SNRPN: variants seen among roughly 807,000 people sequenced by gnomAD.
SNRPN encodes the protein small nuclear ribonucleoprotein polypeptide N, also known as small nuclear ribonucleoprotein-associated protein N.
In SNRPN, 7 loss-of-function variants were observed where a neutral mutation model predicts 25.2. The ratio of observed to expected loss-of-function variants is 0.28; its 90% confidence interval spans 0.16 to 0.52. The LOEUF is 0.52. Ranked by LOEUF, SNRPN falls within the 20% of genes least tolerant of loss-of-function variation. The pLI is 0.96. For missense variants in SNRPN, 196 were observed against 322.5 expected, an observed-to-expected ratio of 0.61 and a Z score of 3.00; for synonymous variants, 124 against 110.6, an observed-to-expected ratio of 1.12 and a Z score of -0.76.
intron 2 of SNRPN, among the ~76,000 whole-genome samples, chr15:24,910,255 ACT>A (rs2059126210): frequency 6.6e-6 from 1 of 152,160 alleles, no homozygotes; most frequent in Non-Finnish European, 1.5e-5. Context: ...TTTTCAGGGT[ACT>A]GCATAGCTTC....
At chr15:24,959,771 G>A (rs1289056233) in intron 1 of SNRPN, among the ~76,000 whole-genome samples, 1 of 152,082 alleles carries the variant, frequency 6.6e-6, no homozygotes. Flanking sequence ...TTCTTCATTC[G>A]TAAGTTGATG....
intron 2 of SNRPN, among the ~76,000 whole-genome samples, chr15:24,906,861 C>T (rs557698002): frequency 6.6e-5 from 10 of 152,082 alleles, no homozygotes; most frequent in East Asian, 1.9e-4. Context: ...TCTTTTCTGA[C>T]GCAGGTAGTT....
At chr15:24,848,997 C>G (rs1252474352) in intron 2 of SNRPN, 1 of 152,158 alleles carries the variant, frequency 6.6e-6, no homozygotes, top group Non-Finnish European at 1.5e-5. Flanking sequence ...ACCCCCGACT[C>G]CCTGGTTCAG....
Position 24,978,580 on chromosome 15 carries a change from G to A in SNRPN, c.*136G>A. The A allele has an allele frequency of 1.2e-6, 1 of 820,574 alleles. No homozygotes were observed. The highest frequency in any genetic ancestry group is 2.1e-6 in the Non-Finnish European group (1 of 487,010). The allele number at this position is 820,574 out of a possible 1,614,324, so 50.8% of individuals were successfully genotyped here. On this transcript the variant is annotated 3_prime_UTR_variant, in exon 10 of 10. Coordinates refer to ENST00000390687, the MANE Select transcript of SNRPN (RefSeq NM_003097.6). ...AATAAATGCATAGAGCAATTAAACT[G>A]TGAGGTACTGTTGTATATATTTTTT... is the stretch of plus-strand genomic sequence containing the variant.
intron 1 of SNRPN, among the ~76,000 whole-genome samples, chr15:24,857,643 T>C (rs2053533798): frequency 6.6e-6 from 1 of 152,114 alleles, no homozygotes; most frequent in South Asian, 2.1e-4. Flanking sequence ...TCTGGGTCGA[T>C]GTCTATTGTT....
At chr15:24,969,310 G>A (rs1443243956) in intron 3 of SNRPN, among the ~76,000 whole-genome samples, 3 of 151,988 alleles carry the variant, frequency 2.0e-5, no homozygotes, top group Admixed American at 6.6e-5. Flanking sequence ...TGTATTTTTG[G>A]TAGAGACGGG....
At chr15:24,921,711 A>G (rs2060029744) in intron 3 of SNRPN, among the ~76,000 whole-genome samples, 1 of 152,202 alleles carries the variant, frequency 6.6e-6, no homozygotes, top group African/African-American at 2.4e-5. Flanking sequence ...GAAAGGGAAG[A>G]GAGCACAGTC....
chr15:24,847,667 G>A (rs910994987), intron 2 of SNRPN, among the ~76,000 whole-genome samples: 1 of 152,140 alleles, frequency 6.6e-6, no homozygotes, highest in Admixed American at 6.6e-5. Flanking sequence ...TGCTGCAGGG[G>A]TCAGTGGTGA....
chr15:24,877,669 C>A (rs1350232375), intron 1 of SNRPN, among the ~76,000 whole-genome samples: 1 of 92,614 alleles, frequency 1.1e-5, no homozygotes, highest in Non-Finnish European at 2.3e-5. Context: ...AAAACACACA[C>A]ACACACACAC....
At chr15:24,862,233 C>A (rs1027055970) in intron 1 of SNRPN, among the ~76,000 whole-genome samples, 1 of 151,044 alleles carries the variant, frequency 6.6e-6, no homozygotes, top group Non-Finnish European at 1.5e-5. Context: ...TTAATGTAAG[C>A]GAATTTTAGA....
chr15:24,903,981 C>A (rs2151684322), intron 2 of SNRPN, among the ~76,000 whole-genome samples: 1 of 149,628 alleles, frequency 6.7e-6, no homozygotes, highest in Non-Finnish European at 1.5e-5. Context: ...TTGCAGTGAG[C>A]AGAGCTGAGG....
At chr15:24,880,950 T>A (rs535988213) in intron 1 of SNRPN, among the ~76,000 whole-genome samples, 108 of 150,970 alleles carry the variant, frequency 7.2e-4, no homozygotes, top group Non-Finnish European at 1.1e-3. Flanking sequence ...GTGCTGTGAT[T>A]ACAGGCATAA....
At chr15:24,878,853 G>C (rs1464383888) in intron 1 of SNRPN, among the ~76,000 whole-genome samples, 1 of 151,760 alleles carries the variant, frequency 6.6e-6, no homozygotes. Flanking sequence ...TTGTCCTTAA[G>C]ATTCTTTATA....
At chr15:24,873,804 C>T (rs1462237483) in intron 1 of SNRPN, among the ~76,000 whole-genome samples, 1 of 152,020 alleles carries the variant, frequency 6.6e-6, no homozygotes, top group Non-Finnish European at 1.5e-5. Context: ...TCATTCCTAC[C>T]TTCAATGAGG....
chr15:24,908,136 A>G (rs1318781364), intron 2 of SNRPN, among the ~76,000 whole-genome samples: 1 of 151,568 alleles, frequency 6.6e-6, no homozygotes, highest in Non-Finnish European at 1.5e-5. Context: ...TATGCCAGTG[A>G]CTTGATGGCG....
chr15:24,909,442 G>A lies in SNRPN; in HGVS notation c.-504-10569G>A, dbSNP rs962146130. 1.7e-5 allele frequency: 27 copies of A among 1,588,904 alleles called. No individual in the cohort carries two copies. The Admixed American group carries it at 2.5e-4, about 15-fold the overall frequency. On this transcript the variant is annotated intron_variant, in intron 2 of 11. Transcript: ENST00000400097. The stretch of plus-strand genomic sequence containing the variant: ...CAATGCTTTCCACAATGTATTCATC[G>A]CCAGTCACCTCCACTTGGCCTTCAT...
chr15:24,826,391 G>A (rs1437741142), intron 1 of SNRPN, among the ~76,000 whole-genome samples: 1 of 152,110 alleles, frequency 6.6e-6, no homozygotes, highest in African/African-American at 2.4e-5. Context: ...TAGTGGGCTT[G>A]CATGGCTGCC....
intron 2 of SNRPN, among the ~76,000 whole-genome samples, chr15:24,964,621 C>G (rs1342891626): frequency 6.6e-6 from 1 of 152,062 alleles, no homozygotes; most frequent in African/African-American, 2.4e-5. Flanking sequence ...TTTTGCAGCT[C>G]TGACGTTTTT....
At chr15:24,873,828 G>A (rs985197384) in intron 1 of SNRPN, among the ~76,000 whole-genome samples, 1 of 151,930 alleles carries the variant, frequency 6.6e-6, no homozygotes, top group Admixed American at 6.6e-5. Flanking sequence ...TTAGTTCCTG[G>A]GATCTGATGA....
Sources: allele counts gnomAD v4.1 joint callset (sites outside exome capture counted in the v4.1 genomes callset), GRCh38; gene constraint gnomAD v4.1.1; transcripts MANE v1.5; gene names NCBI Gene and HGNC (gene_info 2026-07-23, HGNC 2026-07-21).